Variants in CCSER2 observed in about 807,000 individuals in gnomAD.
CCSER2 encodes serine-rich coiled-coil domain-containing protein 2.
A neutral mutation model predicts 92.3 loss-of-function variants in CCSER2; 46 were observed. The observed-to-expected ratio is 0.50, with a 90% CI of 0.39 to 0.64. CCSER2 has a LOEUF of 0.64. CCSER2 is among the 30% of genes least tolerant of loss of function. The pLI, the probability that CCSER2 is intolerant of heterozygous loss-of-function variation, is 0.00. For synonymous variants in CCSER2, 433 were observed against 431.4 expected (o/e 1.00, Z -0.04); for missense variants, 1,244 against 1,238.9 (o/e 1.00, Z -0.06).
intron 1 of CCSER2, among the ~76,000 whole-genome samples, chr10:84,363,864 T>C (rs1845642221): frequency 6.6e-6 from 1 of 152,244 alleles, no homozygotes; most frequent in South Asian, 2.1e-4. Flanking sequence ...TAGGCCATTG[T>C]TGTTCTGTGA....
intron 9 of CCSER2, among the ~76,000 whole-genome samples, chr10:84,481,480 C>G (rs1359013631): frequency 6.6e-6 from 1 of 151,672 alleles, no homozygotes; most frequent in African/African-American, 2.4e-5. Context: ...GCTACAGGTG[C>G]TTTTGGTGTT....
intron 9 of CCSER2, among the ~76,000 whole-genome samples, chr10:84,502,723 A>ATGGG (rs1848829969): frequency 6.6e-6 from 1 of 152,096 alleles, no homozygotes; most frequent in African/African-American, 2.4e-5. Context: ...TATCCTCTAA[A>ATGGG]TGGGGAGGCG....
chr10:84,348,247 T>A (rs1429241526), intron 1 of CCSER2, among the ~76,000 whole-genome samples: 1 of 152,150 alleles, frequency 6.6e-6, no homozygotes, highest in Non-Finnish European at 1.5e-5. Context: ...GGTTAGGAGC[T>A]GGAGACCCGC....
chr10:84,469,144 T>C (rs908327455), intron 7 of CCSER2, among the ~76,000 whole-genome samples: 4 of 152,306 alleles, frequency 2.6e-5, no homozygotes, highest in Non-Finnish European at 2.9e-5. Context: ...TTTTAACTAA[T>C]GTTAATTGTT....
chr10:84,480,633 A>G (rs1242962863), intron 9 of CCSER2, among the ~76,000 whole-genome samples: 2 of 152,210 alleles, frequency 1.3e-5, no homozygotes, highest in Non-Finnish European at 2.9e-5. Context: ...ATTTTTATTG[A>G]GAGATAACGA....
At chr10:84,487,673 A>C (rs1461297515) in intron 9 of CCSER2, among the ~76,000 whole-genome samples, 1 of 152,194 alleles carries the variant, frequency 6.6e-6, no homozygotes, top group Non-Finnish European at 1.5e-5. Context: ...ATATACAATT[A>C]TGTCATCTGC....
intron 3 of CCSER2, among the ~76,000 whole-genome samples, chr10:84,400,612 A>G (rs1842068368): frequency 1.3e-5 from 2 of 152,032 alleles, no homozygotes; most frequent in South Asian, 4.1e-4. Flanking sequence ...TTCTTTCACC[A>G]TTTTAAAAGT....
At chr10:84,341,559 C>T (rs1015225325) in intron 1 of CCSER2, among the ~76,000 whole-genome samples, 10 of 151,906 alleles carry the variant, frequency 6.6e-5, no homozygotes, top group Non-Finnish European at 1.5e-4. Context: ...ACCATAGACT[C>T]CAGTGAAGAA....
intron 1 of CCSER2, among the ~76,000 whole-genome samples, chr10:84,363,148 T>TA (rs1229793605): frequency 8.5e-4 from 80 of 94,002 alleles, no homozygotes; most frequent in African/African-American, 7.3e-3. Context: ...CACCCAGCTA[T>TA]TTTTTTTTTT....
chr10:84,330,706 G>C (rs1843519275), intron 1 of CCSER2, among the ~76,000 whole-genome samples: 1 of 152,040 alleles, frequency 6.6e-6, no homozygotes. Flanking sequence ...ACGGGTTTCA[G>C]TATGTTGGCC....
intron 6 of CCSER2, among the ~76,000 whole-genome samples, chr10:84,450,539 A>G (rs1291882137): frequency 6.6e-6 from 1 of 152,194 alleles, no homozygotes; most frequent in African/African-American, 2.4e-5. Context: ...ACTCTGTTCT[A>G]GTAGATAAAC....
chr10:84,458,927 C>T (rs749629563), intron 6 of CCSER2, among the ~76,000 whole-genome samples: 4 of 151,668 alleles, frequency 2.6e-5, no homozygotes, highest in Non-Finnish European at 5.9e-5. Flanking sequence ...ATTCAATTTT[C>T]AGTTGTTTGC....
intron 1 of CCSER2, among the ~76,000 whole-genome samples, chr10:84,356,455 G>A (rs1268614788): frequency 2.0e-5 from 3 of 152,120 alleles, no homozygotes; most frequent in African/African-American, 7.2e-5. Flanking sequence ...CATACAGGGA[G>A]CCAGTATTTG....
At chr10:84,453,758 G>A (rs1410048662) in intron 6 of CCSER2, among the ~76,000 whole-genome samples, 1 of 152,060 alleles carries the variant, frequency 6.6e-6, no homozygotes, top group Non-Finnish European at 1.5e-5. Context: ...TCAGGCTATT[G>A]TATCAGGTAT....
intron 1 of CCSER2, among the ~76,000 whole-genome samples, chr10:84,343,984 C>A (rs1844343243): frequency 6.6e-6 from 1 of 152,224 alleles, no homozygotes. Flanking sequence ...CCAGGAGAAG[C>A]TCCTGATATC....
At chr10:84,382,025 C>A (rs1359581306) in intron 3 of CCSER2, among the ~76,000 whole-genome samples, 5 of 151,996 alleles carry the variant, frequency 3.3e-5, no homozygotes, top group African/African-American at 1.2e-4. Context: ...CTGTGTAACT[C>A]CATTGGGAGA....
At chr10:84,446,169 G>A (rs1424376730) in intron 6 of CCSER2, among the ~76,000 whole-genome samples, 2 of 152,060 alleles carry the variant, frequency 1.3e-5, no homozygotes, top group Admixed American at 6.6e-5. Flanking sequence ...ATGGAGTAAT[G>A]GAAAGGCATG....
At position 84,423,620 on chromosome 10, in the gene CCSER2, C is replaced by T. The variant is rs557925586; in HGVS notation, c.1706-2111C>T. Among the ~76,000 whole-genome samples the T allele has an allele frequency of 2.2e-4, 33 of 152,182 alleles. No homozygotes were observed. The South Asian group carries it at 3.9e-3, about 18-fold the overall frequency. ...ATAACCTATCAAGTGGTTTTTTGGA[C>T]AATATTTCTTGCTTTGGGAGTGAGT... On this transcript the variant is annotated intron_variant, in intron 4 of 9. Transcript: ENST00000372088.
At chr10:84,388,670 C>T (rs1841355468) in intron 3 of CCSER2, among the ~76,000 whole-genome samples, 1 of 152,156 alleles carries the variant, frequency 6.6e-6, no homozygotes. Flanking sequence ...TTGGGGAAGA[C>T]AGTTTTTCCA....
Sources: gnomAD v4.1 joint callset for allele counts (sites outside exome capture counted in the v4.1 genomes callset) on GRCh38, gnomAD v4.1.1 for gene constraint, MANE v1.5 for transcripts, NCBI Gene and HGNC (gene_info 2026-07-23, HGNC 2026-07-21) for gene names.